The following TRABD2A variants were observed in gnomAD, a reference collection of about 807,000 sequenced individuals.
The protein encoded by TRABD2A is TraB domain containing 2A.
A neutral mutation model predicts 45.6 loss-of-function variants in TRABD2A; 43 were observed. The ratio of observed to expected loss-of-function variants is 0.94; its 90% CI spans 0.74 to 1.22. The LOEUF (loss-of-function observed/expected upper bound fraction) is 1.22. Ranked by LOEUF, TRABD2A falls within the 50% of genes most tolerant of loss-of-function variation. The pLI is 0.00. For missense variants in TRABD2A, 642 were observed against 652.4 expected (o/e 0.98, Z 0.17); for synonymous variants, 269 against 265.0 (o/e 1.02, Z -0.15).
chr2:84,826,915 TAG>T (rs1681168413), intron 5 of TRABD2A, among the ~76,000 whole-genome samples: 1 of 152,212 alleles, frequency 6.6e-6, no homozygotes, highest in East Asian at 1.9e-4. Context: ...GTAGAAAATA[TAG>T]AGAGTATAAA....
At chr2:84,872,604 A>G (rs1453628481) in intron 1 of TRABD2A, among the ~76,000 whole-genome samples, 1 of 152,208 alleles carries the variant, frequency 6.6e-6, no homozygotes, top group African/African-American at 2.4e-5. Context: ...AAAGTATTTG[A>G]CTTCAGCCTT....
In TRABD2A at chr2:84,870,156, C is replaced by T. The variant is rs184859467; in HGVS notation, c.669+69G>A. On this transcript the variant is annotated intron_variant, in intron 2 of 6. Transcript: ENST00000409520. Reference sequence around the variant, plus strand: ...AGCTGTGCCCGTGATCCATCACCTGCCCTGAAACTCAACAGATTCACCCAT... The same window carrying T: ...AGCTGTGCCCGTGATCCATCACCTGTCCTGAAACTCAACAGATTCACCCAT... The T allele has an allele frequency of 3.5e-3, 4,982 of 1,433,822 alleles. 11 individuals are homozygous for T. Among genetic ancestry groups the T allele is most frequent in the Non-Finnish European group, 4.4e-3 (4,619 of 1,051,358 alleles). 88.8% of individuals were successfully genotyped at this position (1,433,822 alleles called of 1,614,324 possible). A position where few individuals can be genotyped will look rare whatever the true frequency, so the allele number is the denominator to read the frequency against.
Position 84,880,970 on chromosome 2 carries a change from C to G in TRABD2A, c.70G>C (p.Gly24Arg), listed in dbSNP as rs935802556. The change falls in exon 1 of 7, where the codon GGG becomes CGG. Residue 24 changes from glycine to arginine, a missense_variant. Physicochemically the swap from Gly to Arg is moderately radical, Grantham distance 125. Transcript: ENST00000409520. ...LLPTGAASRR[G>R]APGTANCELK... Reference sequence around the variant, plus strand: ...TCGCAGTTGGCGGTGCCGGGCGCCCCGCGCCGCGAAGCTGCGCCCGTGGGC... The same window carrying G: ...TCGCAGTTGGCGGTGCCGGGCGCCCGGCGCCGCGAAGCTGCGCCCGTGGGC... The G allele has an allele frequency of 8.1e-6, 13 of 1,601,576 alleles. No homozygotes were observed. The highest frequency in any genetic ancestry group is 5.3e-5 in the African/African-American group (4 of 74,800).
chr2:84,870,502 T>A lies in TRABD2A; in HGVS notation c.392A>T (p.Lys131Met). The change falls in exon 2 of 7, where the codon AAG becomes ATG. Residue 131 changes from lysine (K) to methionine (M), a missense_variant. Coordinates refer to ENST00000409520, the MANE Select transcript of TRABD2A (RefSeq NM_001277053.2). ...CRLKRHLEYV[K>M]LMMPLWMTPD... ...GGTCATCCACAAGGGCATCATGAGC[T>A]TGACATACTCCAGGTGGCGCTTGAG... 6.2e-7 allele frequency: 1 copy of A among 1,614,018 alleles called. No homozygotes were observed. Among genetic ancestry groups the A allele is most frequent in the African/African-American group, 1.3e-5 (1 of 75,046 alleles).
chr2:84,822,172 G>T, intron 6 of TRABD2A, 72 bp from the exon 7 acceptor site: 1 of 1,317,940 alleles, frequency 7.6e-7, no homozygotes, highest in Non-Finnish European at 1.0e-6. Flanking sequence ...GCCCCCAAAT[G>T]CCCACACAGC....
Position 84,870,595 on chromosome 2 carries a change from G to C in TRABD2A, c.299C>G (p.Thr100Ser). ...GCCCTGTGGCAGCATCTGACAGCTG[G>C]TGAGAGCTGAGATGGTATAGGGGTC... is the stretch of plus-strand genomic sequence containing the variant. ...LTDPYTISAL[T>S]SCQMLPQGEN... Residue 100 changes from threonine (T) to serine (S), a missense_variant, in exon 2 of 7, where the codon ACC becomes AGC. Thr to Ser is a moderately conservative substitution (Grantham distance 58). Coordinates refer to ENST00000409520, the MANE Select transcript of TRABD2A (RefSeq NM_001277053.2). 6.2e-7 allele frequency: 1 copy of C among 1,613,670 alleles called. No individual in the cohort carries two copies. The highest frequency in any genetic ancestry group is 8.5e-7 in the Non-Finnish European group (1 of 1,179,768).
At chr2:84,845,167 A>G (rs147126126) in intron 2 of TRABD2A, among the ~76,000 whole-genome samples, 2,537 of 152,224 alleles carry the variant, frequency 0.017, 72 homozygotes, top group African/African-American at 0.059. Context: ...CCTGGCCAAC[A>G]TGGTAAAACC....
At chr2:84,877,668 T>C (rs11684877) in intron 1 of TRABD2A, among the ~76,000 whole-genome samples, 4,019 of 152,272 alleles carry the variant, frequency 0.026, 87 homozygotes, top group South Asian at 0.083. Context: ...AGCTACAAGC[T>C]TCTGAATCAA....
chr2:84,856,416 G>T (rs1005095695), intron 2 of TRABD2A, among the ~76,000 whole-genome samples: 4 of 152,086 alleles, frequency 2.6e-5, no homozygotes, highest in African/African-American at 9.7e-5. Context: ...TCATGTGAAT[G>T]GATGCTGCCA....
chr2:84,823,478 C>T (rs751586682), intron 6 of TRABD2A, among the ~76,000 whole-genome samples: 1 of 152,184 alleles, frequency 6.6e-6, no homozygotes. Context: ...CCTGCAGACT[C>T]AGGCTCGCCT....
At chr2:84,837,312 A>C (rs543216270) in intron 4 of TRABD2A, 5 of 152,314 alleles carry the variant, frequency 3.3e-5, no homozygotes, top group African/African-American at 1.2e-4. Flanking sequence ...TTTTTTGAAC[A>C]TATTTATAAT....
chr2:84,838,935 A>G, intron 4 of TRABD2A: 1 of 554,108 alleles, frequency 1.8e-6, no homozygotes, highest in African/African-American at 1.9e-5. Context: ...GGGTGATGTC[A>G]CATGCACCAG....
chr2:84,871,517 T>C (rs1457642899), intron 1 of TRABD2A, among the ~76,000 whole-genome samples: 5 of 151,992 alleles, frequency 3.3e-5, no homozygotes, highest in African/African-American at 9.7e-5. Context: ...AGTCTCACTC[T>C]GTTGCCCAGG....
intron 5 of TRABD2A, among the ~76,000 whole-genome samples, chr2:84,827,076 T>C (rs116688741): frequency 1.9e-3 from 284 of 152,302 alleles, no homozygotes; most frequent in African/African-American, 6.3e-3. Context: ...CAATCCATCA[T>C]AGAGCCTCTG....
chr2:84,873,780 T>C (rs923876264), intron 1 of TRABD2A, among the ~76,000 whole-genome samples: 1 of 152,256 alleles, frequency 6.6e-6, no homozygotes, highest in Non-Finnish European at 1.5e-5. Flanking sequence ...AGAGTAATTT[T>C]AGTTTATTTG....
chr2:84,830,240 C>A lies in TRABD2A; in HGVS notation c.1082+1815G>T, dbSNP rs1043654989. Among the ~76,000 whole-genome samples, 1 of 152,062 alleles carries A rather than the reference C, an allele frequency of 6.6e-6. No individual in the cohort carries two copies. The highest frequency in any genetic ancestry group is 1.5e-5 in the Non-Finnish European group (1 of 68,014). On this transcript the variant is annotated intron_variant, in intron 5 of 6. Transcript: ENST00000409520. This position sits in a 1 kb window ranked among gnomAD's most constrained non-coding sequence, Gnocchi z 4.9. The stretch of plus-strand genomic sequence containing the variant: ...GAACAGGAAGGAGAGAGGCAGGAGA[C>A]GTGAGCCTGCAACAGAGCTGACTCA...
intron 1 of TRABD2A, among the ~76,000 whole-genome samples, chr2:84,879,180 T>C (rs998157240): frequency 4.9e-5 from 7 of 142,562 alleles, no homozygotes; most frequent in African/African-American, 1.7e-4. Context: ...AGGTTTTCAA[T>C]ACTTTTTTTT....
At chr2:84,858,304 A>G (rs1389757786) in intron 2 of TRABD2A, among the ~76,000 whole-genome samples, 1 of 152,034 alleles carries the variant, frequency 6.6e-6, no homozygotes, top group Non-Finnish European at 1.5e-5. Context: ...ACAAATGCTC[A>G]TATAGCCAAC....
intron 2 of TRABD2A, among the ~76,000 whole-genome samples, chr2:84,868,021 G>A (rs1266912618): frequency 5.9e-5 from 9 of 152,246 alleles, no homozygotes; most frequent in Admixed American, 5.9e-4. Flanking sequence ...GTGGAAGACA[G>A]TGTGGCAATT....
Sources: gnomAD v4.1 joint callset for allele counts (sites outside exome capture counted in the v4.1 genomes callset) on GRCh38, gnomAD v4.1.1 for gene constraint, Gnocchi (gnomAD v3.1) non-coding constraint, MANE v1.5 for transcripts, NCBI Gene and HGNC (gene_info 2026-07-23, HGNC 2026-07-21) for gene names.